Variants in ZNF566 observed in about 807,000 individuals in gnomAD.
ZNF566 encodes the protein zinc finger protein 566.
ZNF566 carries 27 observed loss-of-function variants against 32.8 expected under a neutral mutation model. The ratio of observed to expected loss-of-function variants is 0.82; its 90% CI spans 0.61 to 1.14. The LOEUF (loss-of-function observed/expected upper bound fraction) is 1.14, where lower values mean the gene tolerates loss of function less well. ZNF566 is among the 50% of genes most tolerant of loss of function. The pLI is 0.00. For missense variants in ZNF566, 402 were observed against 490.4 expected (o/e 0.82, Z 1.70); for synonymous variants, 154 against 159.5 (o/e 0.97, Z 0.26).
chr19:36,478,965 A>G (rs541204670), intron 1 of ZNF566, among the ~76,000 whole-genome samples: 12 of 152,216 alleles, frequency 7.9e-5, no homozygotes, highest in Non-Finnish European at 1.5e-4. Context: ...ATGGGAGCTG[A>G]GAGAAATAGG....
chr19:36,461,899 G>A (rs953420699), intron 4 of ZNF566, among the ~76,000 whole-genome samples: 1 of 151,574 alleles, frequency 6.6e-6, no homozygotes, highest in African/African-American at 2.4e-5. Context: ...AGTTCTTAAA[G>A]TCTTTGATAT....
At chr19:36,465,957 AAC>A (rs1054288514) in intron 4 of ZNF566, among the ~76,000 whole-genome samples, 1 of 151,694 alleles carries the variant, frequency 6.6e-6, no homozygotes, top group African/African-American at 2.4e-5. Context: ...AAGAGTAAGA[AAC>A]ACACAGACGT....
intron 4 of ZNF566, among the ~76,000 whole-genome samples, chr19:36,468,084 C>T (rs188478351): frequency 6.7e-5 from 10 of 149,912 alleles, no homozygotes; most frequent in African/African-American, 1.2e-4. Flanking sequence ...ACTTCGGAGG[C>T]TGAGGCAGAA....
At chr19:36,475,536 A>G (rs545814627) in intron 2 of ZNF566, among the ~76,000 whole-genome samples, 1 of 152,308 alleles carries the variant, frequency 6.6e-6, no homozygotes, top group African/African-American at 2.4e-5. Context: ...TTTCCCTATA[A>G]GGTGCCCCTA....
At chr19:36,478,566 C>T (rs2033951814) in intron 1 of ZNF566, among the ~76,000 whole-genome samples, 1 of 149,972 alleles carries the variant, frequency 6.7e-6, no homozygotes, top group Non-Finnish European at 1.5e-5. Context: ...ATGCTGAATT[C>T]TTACATCAGG....
At position 36,445,560 on chromosome 19, in the gene ZNF566, C is replaced by T. The variant is rs1460376691; in HGVS notation, c.*3417G>A. On this transcript the variant is annotated 3_prime_UTR_variant, in exon 5 of 5. Coordinates refer to ENST00000452939, the MANE Select transcript of ZNF566 (RefSeq NM_001145344.1). ...TGACGCCGGGTGCGGTGGCTCATGC[C>T]TATAATGCCAGCACTTTGGGAGGCC... 6.6e-6 allele frequency: 1 copy of T among 152,174 alleles called. No homozygotes were observed. The highest frequency in any genetic ancestry group is 1.5e-5 in the Non-Finnish European group (1 of 68,074). The allele number at this position is 152,174 out of a possible 1,614,324, so 9.4% of individuals were successfully genotyped here.
chr19:36,466,712 T>G (rs376554791), intron 4 of ZNF566, among the ~76,000 whole-genome samples: 141 of 152,304 alleles, frequency 9.3e-4, no homozygotes, highest in African/African-American at 2.9e-3. Context: ...AAAAGATACT[T>G]GTAGTTTGTA....
rs527430865 is a variant in ZNF566, at chr19:36,454,098, T to C, written c.233-4097A>G. On this transcript the variant is annotated intron_variant, in intron 4 of 4. Transcript: ENST00000452939. ...CATTTCGGTAGAGACAGGGTCTCAC[T>C]ATGTTGCTCAGGCTGGTCTCAAACT... is the stretch of plus-strand genomic sequence containing the variant. 2.6e-5 allele frequency among the ~76,000 whole-genome samples: 4 copies of C among 151,260 alleles called. 1 individual carries two copies. In the South Asian group the frequency reaches 8.4e-4, roughly 32 times the overall value.
chr19:36,489,436 G>C (rs545574436), intron 1 of ZNF566, 50 bp downstream of exon 1: 90 of 303,784 alleles, frequency 3.0e-4, no homozygotes, highest in African/African-American at 1.9e-3. Context: ...CAAAGCCGAG[G>C]CTTGGCCCCC....
intron 4 of ZNF566, among the ~76,000 whole-genome samples, chr19:36,469,446 A>T (rs1429367066): frequency 6.6e-6 from 1 of 151,958 alleles, no homozygotes; most frequent in Non-Finnish European, 1.5e-5. Flanking sequence ...AGGCTGAGGC[A>T]GGAGAATTGC....
chr19:36,469,051 T>C (rs188596913), intron 4 of ZNF566, among the ~76,000 whole-genome samples: 84 of 151,946 alleles, frequency 5.5e-4, no homozygotes, highest in Non-Finnish European at 1.0e-3. Flanking sequence ...AAGGTAATTA[T>C]CATGCTATGG....
chr19:36,460,823 T>C (rs551197142), intron 4 of ZNF566, among the ~76,000 whole-genome samples: 5 of 152,210 alleles, frequency 3.3e-5, no homozygotes, highest in African/African-American at 1.2e-4. Flanking sequence ...TAAAAAAATA[T>C]ATATTACTTC....
chr19:36,473,597 T>C, intron 2 of ZNF566, 139 bp from the exon 3 acceptor site: 1 of 691,314 alleles, frequency 1.4e-6, no homozygotes, highest in Non-Finnish European at 2.2e-6. Context: ...TGGAGGACTG[T>C]AAACAAATAA....
At chr19:36,452,081 G>A (rs1344164931) in intron 4 of ZNF566, among the ~76,000 whole-genome samples, 5 of 148,604 alleles carry the variant, frequency 3.4e-5, no homozygotes, top group African/African-American at 4.9e-5. Flanking sequence ...CCCTTGACTC[G>A]TTAAAAAAAA....
At chr19:36,484,698 T>G (rs2034114944) in intron 1 of ZNF566, among the ~76,000 whole-genome samples, 1 of 149,414 alleles carries the variant, frequency 6.7e-6, no homozygotes, top group African/African-American at 2.5e-5. Context: ...AACGCCATTC[T>G]CCTGCCAGAG....
At chr19:36,478,010 A>T (rs1038826909) in intron 1 of ZNF566, among the ~76,000 whole-genome samples, 4 of 152,140 alleles carry the variant, frequency 2.6e-5, no homozygotes, top group African/African-American at 9.7e-5. Context: ...AAATTATACA[A>T]ACTATAAAGA....
intron 4 of ZNF566, among the ~76,000 whole-genome samples, chr19:36,457,114 T>C (rs2033335726): frequency 6.6e-6 from 1 of 152,186 alleles, no homozygotes; most frequent in South Asian, 2.1e-4. Context: ...TTTATGGTCA[T>C]TGGATTTTCA....
chr19:36,474,453 GC>G (rs1170922665), intron 2 of ZNF566, among the ~76,000 whole-genome samples: 3 of 152,168 alleles, frequency 2.0e-5, no homozygotes, highest in Non-Finnish European at 4.4e-5. Flanking sequence ...AATATTTGCA[GC>G]CGTAATAAGG....
chr19:36,467,786 A>C (rs2033655876), intron 4 of ZNF566, among the ~76,000 whole-genome samples: 1 of 90,114 alleles, frequency 1.1e-5, no homozygotes, highest in Admixed American at 1.5e-4. Flanking sequence ...GCGAGACTCC[A>C]TCTCAAAAAA....
Sources: gnomAD v4.1 joint callset for allele counts (sites outside exome capture counted in the v4.1 genomes callset) on GRCh38, gnomAD v4.1.1 for gene constraint, MANE v1.5 for transcripts, NCBI Gene and HGNC (gene_info 2026-07-23, HGNC 2026-07-21) for gene names.